The following LRP1B variants were observed in gnomAD, a reference collection of about 807,000 sequenced individuals.
LRP1B encodes the protein low-density lipoprotein receptor-related protein 1B.
Under a neutral mutation model 556.6 loss-of-function variants are expected in LRP1B, and 217 were observed. The ratio of observed to expected loss-of-function variants is 0.39; its 90% CI spans 0.35 to 0.44. The LOEUF (loss-of-function observed/expected upper bound fraction) is 0.44. LRP1B is among the 20% of genes least tolerant of loss of function. The pLI is 1.00. For missense variants in LRP1B, 5,053 were observed against 5,620.8 expected (o/e 0.90, Z 3.23); for synonymous variants, 2,047 against 1,865.8 (o/e 1.10, Z -2.50).
intron 2 of LRP1B, among the ~76,000 whole-genome samples, chr2:141,573,635 CAA>C (rs56779099): frequency 1.5e-3 from 171 of 115,432 alleles, no homozygotes; most frequent in Middle Eastern, 4.9e-3. Flanking sequence ...AAAAACCCTC[CAA>C]AAAAAAAAAA....
At chr2:141,342,410 T>G (rs1177068028) in intron 3 of LRP1B, among the ~76,000 whole-genome samples, 1 of 151,874 alleles carries the variant, frequency 6.6e-6, no homozygotes, top group African/African-American at 2.4e-5. Flanking sequence ...GTCAATACAT[T>G]ATGGCCAAAA....
At chr2:141,015,620 A>AT in intron 13 of LRP1B, 76 bp downstream of exon 13, 1 of 1,196,132 alleles carries the variant, frequency 8.4e-7, no homozygotes, top group Non-Finnish European at 1.2e-6. Context: ...ACTTGAAAGT[A>AT]TTTTTAACAC....
intron 1 of LRP1B, among the ~76,000 whole-genome samples, chr2:142,118,288 C>T (rs1457645920): frequency 6.6e-6 from 1 of 152,104 alleles, no homozygotes. Context: ...TTTTACTAAT[C>T]CTCTTTGGCA....
At chr2:140,842,027 T>C (rs940448732) in intron 29 of LRP1B, among the ~76,000 whole-genome samples, 2 of 152,210 alleles carry the variant, frequency 1.3e-5, no homozygotes, top group Non-Finnish European at 2.9e-5. Flanking sequence ...ACAAGACACC[T>C]GGAAACTGTT....
intron 18 of LRP1B, among the ~76,000 whole-genome samples, chr2:140,978,597 T>G (rs998060240): frequency 6.6e-6 from 1 of 152,158 alleles, no homozygotes; most frequent in Non-Finnish European, 1.5e-5. Context: ...TTTTAAAAAA[T>G]TGCACTCCTT....
intron 2 of LRP1B, among the ~76,000 whole-genome samples, chr2:141,674,096 C>T (rs943660031): frequency 3.3e-5 from 5 of 151,996 alleles, no homozygotes; most frequent in Admixed American, 2.6e-4. Flanking sequence ...ACATCTGAGT[C>T]TCCATAGCAC....
intron 2 of LRP1B, among the ~76,000 whole-genome samples, chr2:141,768,562 G>A (rs755049364): frequency 6.6e-6 from 1 of 152,048 alleles, no homozygotes; most frequent in East Asian, 1.9e-4. Context: ...GTTAAAGAAT[G>A]GTTACCATTT....
At chr2:141,067,072 T>C (rs890765345) in intron 7 of LRP1B, among the ~76,000 whole-genome samples, 44 of 151,992 alleles carry the variant, frequency 2.9e-4, no homozygotes, top group African/African-American at 1.0e-3. Context: ...TATAGTAACT[T>C]AGTGTTATCC....
At chr2:141,336,407 G>A (rs1018358769) in intron 3 of LRP1B, among the ~76,000 whole-genome samples, 6 of 152,140 alleles carry the variant, frequency 3.9e-5, no homozygotes, top group African/African-American at 1.4e-4. Context: ...TCTGTATTAT[G>A]AGGTCACTAC....
chr2:140,690,298 G>A (rs1208929348), intron 41 of LRP1B, among the ~76,000 whole-genome samples: 1 of 151,904 alleles, frequency 6.6e-6, no homozygotes, highest in Non-Finnish European at 1.5e-5. Context: ...TGTCTAGTAA[G>A]GTCTCCACAA....
At chr2:140,627,272 G>C (rs1014830514) in intron 41 of LRP1B, among the ~76,000 whole-genome samples, 1 of 152,146 alleles carries the variant, frequency 6.6e-6, no homozygotes, top group African/African-American at 2.4e-5. Context: ...GGTGTTGAAA[G>C]ATTAACATTT....
chr2:142,002,152 T>C (rs1702674130), intron 1 of LRP1B, among the ~76,000 whole-genome samples: 1 of 152,136 alleles, frequency 6.6e-6, no homozygotes, highest in Admixed American at 6.6e-5. Context: ...AAAATTTAAT[T>C]ATATATTGAG....
chr2:141,277,843 A>G (rs950026715), intron 3 of LRP1B, among the ~76,000 whole-genome samples: 8 of 152,088 alleles, frequency 5.3e-5, no homozygotes, highest in Non-Finnish European at 8.8e-5. Flanking sequence ...TATATTAATC[A>G]CAAGTGCTAC....
chr2:141,901,136 C>T (rs962789189), intron 1 of LRP1B, among the ~76,000 whole-genome samples: 1 of 152,064 alleles, frequency 6.6e-6, no homozygotes, highest in African/African-American at 2.4e-5. Context: ...TTCTCTCTAA[C>T]AGGCTTACAG....
At chr2:141,366,454 G>A (rs1219490461) in intron 3 of LRP1B, among the ~76,000 whole-genome samples, 1 of 152,092 alleles carries the variant, frequency 6.6e-6, no homozygotes. Flanking sequence ...ATTGTTTTTT[G>A]TAATCCTCAA....
At chr2:140,310,414 C>CAAAAA (rs10670842) in intron 83 of LRP1B, among the ~76,000 whole-genome samples, 3 of 124,858 alleles carry the variant, frequency 2.4e-5, no homozygotes, top group African/African-American at 5.9e-5. Flanking sequence ...CATACGGAAC[C>CAAAAA]AAAAAAAAAA....
Position 140,257,574 on chromosome 2 carries a change from G to T in LRP1B, c.13248-10412C>A, listed in dbSNP as rs116070913. On this transcript the variant is annotated intron_variant, in intron 86 of 90. Transcript: ENST00000389484. ...GAAAAATATGATATGTGTTCCTTTTGTTCCCCGTGGCATGACTGGCATGGT... is the reference window on the plus strand; with the variant it reads ...GAAAAATATGATATGTGTTCCTTTTTTTCCCCGTGGCATGACTGGCATGGT... Among the ~76,000 whole-genome samples, 1,323 of 152,166 alleles carry T rather than the reference G, an allele frequency of 8.7e-3. 21 individuals are homozygous for T. Among genetic ancestry groups the T allele is most frequent in the African/African-American group, 0.03 (1,258 of 41,514 alleles).
At chr2:141,115,452 G>GTTTTTTTTTTTTTTTTTTTTTTTTTT (rs1364204085) in intron 7 of LRP1B, among the ~76,000 whole-genome samples, 1 of 90,610 alleles carries the variant, frequency 1.1e-5, no homozygotes, top group African/African-American at 3.8e-5. Flanking sequence ...ATAGGTTTTT[G>GTTTTTTTTTTTTTTTTTTTTTTTTTT]TTTTTGTTTT....
At chr2:141,913,689 G>T (rs1699962277) in intron 1 of LRP1B, among the ~76,000 whole-genome samples, 1 of 152,126 alleles carries the variant, frequency 6.6e-6, no homozygotes. Flanking sequence ...CATTGAGAAT[G>T]AACTACTAAT....
Sources: allele counts gnomAD v4.1 joint callset (sites outside exome capture counted in the v4.1 genomes callset), GRCh38; gene constraint gnomAD v4.1.1; transcripts MANE v1.5; gene names NCBI Gene and HGNC (gene_info 2026-07-23, HGNC 2026-07-21).